VCAN: variants seen among roughly 807,000 people sequenced by gnomAD.
VCAN encodes versican core protein.
A neutral mutation model predicts 245.5 loss-of-function variants in VCAN; 44 were observed. The observed-to-expected ratio is 0.18, with a 90% CI of 0.14 to 0.23. The LOEUF is 0.23. VCAN is among the 10% of genes least tolerant of loss of function. The probability of loss-of-function intolerance (pLI) is 1.00; values close to 1 mark genes in which losing one functional copy is unlikely to be tolerated. For synonymous variants in VCAN, 1,413 were observed against 1,437.0 expected, an observed-to-expected ratio of 0.98 and a Z score of 0.38; for missense variants, 3,793 against 4,057.9, an observed-to-expected ratio of 0.93 and a Z score of 1.77.
intron 2 of VCAN, 158 bp downstream of exon 2, chr5:83,483,746 T>C: frequency 2.8e-6 from 2 of 714,254 alleles, no homozygotes; most frequent in Admixed American, 2.5e-5. Flanking sequence ...CCAAAAACAT[T>C]AGTTTTAAAT....
rs1187512204 is a variant in VCAN, at chr5:83,581,389, T to A, written c.*955T>A. The A allele has an allele frequency of 6.6e-6, 1 of 151,080 alleles. No individual in the cohort carries two copies. Among genetic ancestry groups the A allele is most frequent in the Non-Finnish European group, 1.5e-5 (1 of 67,908 alleles). The allele number at this position is 151,080 out of a possible 1,614,324, so 9.4% of individuals were successfully genotyped here. A position where few individuals can be genotyped will look rare whatever the true frequency, so the allele number is the denominator to read the frequency against. On this transcript the variant is annotated 3_prime_UTR_variant, in exon 15 of 15. Coordinates refer to ENST00000265077, the MANE Select transcript of VCAN (RefSeq NM_004385.5). ...TTTTAATCTTTTATAAAGTTTTGAA[T>A]GTTCATGTATGAATGCTGCAGCTGT...
In VCAN at chr5:83,539,117, C is replaced by T; in HGVS notation, c.6114C>T (p.Ser2038=). ...TGCAAAAGTTTTCTGGTACAGCTTC[C>T]TCCATTATCGACGAAGGATTGGGAG... ...SAVQKFSGTA[S]SIIDEGLGEV... is the part of the protein sequence containing the mutation. Residue 2038 remains serine, a synonymous_variant, in exon 8 of 15, where the codon TCC becomes TCT. Transcript: ENST00000265077. 1.2e-6 allele frequency: 2 copies of T among 1,613,998 alleles called. No individual in the cohort carries two copies. Among genetic ancestry groups the T allele is most frequent in the Non-Finnish European group, 1.7e-6 (2 of 1,179,984 alleles).
chr5:83,572,314 A>C, intron 12 of VCAN, 102 bp from the exon 13 acceptor site: 2 of 1,413,280 alleles, frequency 1.4e-6, no homozygotes, highest in South Asian at 2.3e-5. Context: ...AAACAACAGA[A>C]ATTGTTGAGT....
chr5:83,544,319 A>T (rs1445577624), intron 8 of VCAN, among the ~76,000 whole-genome samples: 3 of 152,250 alleles, frequency 2.0e-5, no homozygotes, highest in Non-Finnish European at 4.4e-5. Context: ...ACCTAATTTT[A>T]ACGTGAATCC....
intron 14 of VCAN, 31 bp from the exon 15 acceptor site, chr5:83,580,276 T>G: frequency 6.2e-7 from 1 of 1,613,590 alleles, no homozygotes; most frequent in Non-Finnish European, 8.5e-7. Flanking sequence ...TATTGTGTGT[T>G]TTCTTTTTTT....
At chr5:83,502,171 A>G (rs1244130799) in intron 5 of VCAN, among the ~76,000 whole-genome samples, 1 of 152,086 alleles carries the variant, frequency 6.6e-6, no homozygotes, top group East Asian at 1.9e-4. Flanking sequence ...TCTTCGTTCT[A>G]ATTGTTTTTT....
intron 7 of VCAN, among the ~76,000 whole-genome samples, chr5:83,525,148 T>C (rs1486326843): frequency 2.0e-5 from 3 of 151,734 alleles, no homozygotes; most frequent in Non-Finnish European, 4.4e-5. Context: ...TACGGTGCTC[T>C]AGCTAGAGGG....
rs1747029528 is a variant in VCAN at position 83,542,120 on chromosome 5, T to A, written c.9117T>A (p.Asp3039Glu). Residue 3039 changes from aspartate to glutamate, a missense_variant, in exon 8 of 15, where the codon GAT becomes GAA. Transcript: ENST00000265077. Reference sequence around the variant, plus strand: ...AGCAAGTGGCAGCGAGAATTCTTGATTCCAATGATCAGGCAACAGTAAACC... The same window carrying A: ...AGCAAGTGGCAGCGAGAATTCTTGAATCCAATGATCAGGCAACAGTAAACC... ...SEQQVAARIL[D>E]SNDQATVNPV... is the part of the protein sequence containing the mutation. 1.2e-6 allele frequency: 2 copies of A among 1,614,088 alleles called. No individual in the cohort carries two copies. The highest frequency in any genetic ancestry group is 4.5e-5 in the East Asian group (2 of 44,882).
chr5:83,555,275 C>G (rs1747628066), intron 12 of VCAN, among the ~76,000 whole-genome samples: 1 of 152,164 alleles, frequency 6.6e-6, no homozygotes, highest in Admixed American at 6.5e-5. Context: ...TTCTATCAAA[C>G]CAGAAAACCA....
At chr5:83,555,388 A>G (rs1309080406) in intron 12 of VCAN, among the ~76,000 whole-genome samples, 3 of 152,370 alleles carry the variant, frequency 2.0e-5, no homozygotes, top group East Asian at 3.9e-4. Context: ...AGAAAAAGTC[A>G]TTTTAAAAAA....
At chr5:83,478,717 A>G (rs1744486515) in intron 1 of VCAN, among the ~76,000 whole-genome samples, 1 of 152,246 alleles carries the variant, frequency 6.6e-6, no homozygotes, top group Admixed American at 6.5e-5. Context: ...AGTATATATT[A>G]TACATCTAAT....
At position 83,521,168 on chromosome 5, in the gene VCAN, T is replaced by G. The variant is rs201060896; in HGVS notation, c.2862T>G (p.Phe954Leu). The stretch of plus-strand genomic sequence containing the variant: ...CTTCAGAGGTGGAAGGATTAGCATT[T>G]GTTAGTTATAGTAGCACCCAAGAGC... ...AHTSEVEGLA[F>L]VSYSSTQEPT... Residue 954 changes from phenylalanine (F) to leucine (L), a missense_variant, in exon 7 of 15, where the codon TTT becomes TTG. Around this residue, in one of 5 missense-constraint regions of VCAN, gnomAD observed 3,182 missense variants for 3,250.3 expected, o/e 0.98. Coordinates refer to ENST00000265077, the MANE Select transcript of VCAN (RefSeq NM_004385.5). 89 of 1,613,666 alleles carry G rather than the reference T, an allele frequency of 5.5e-5. No individual in the cohort carries two copies. The highest frequency in any genetic ancestry group is 7.7e-5 in the South Asian group (7 of 91,020).
chr5:83,513,119 G>A (rs1397920766), intron 6 of VCAN, among the ~76,000 whole-genome samples: 2 of 151,890 alleles, frequency 1.3e-5, no homozygotes, highest in Non-Finnish European at 2.9e-5. Flanking sequence ...AGTAATTTTA[G>A]CAGTAGTAGT....
chr5:83,559,280 T>C (rs933867509), intron 12 of VCAN, among the ~76,000 whole-genome samples: 2 of 152,174 alleles, frequency 1.3e-5, no homozygotes, highest in African/African-American at 4.8e-5. Context: ...AGTCAGAGTG[T>C]TTTCTTTCAG....
In VCAN at chr5:83,541,329, C is replaced by T. The variant is rs1363196821; in HGVS notation, c.8326C>T (p.His2776Tyr). The T allele has an allele frequency of 6.2e-7, 1 of 1,614,054 alleles. No individual in the cohort carries two copies. Among genetic ancestry groups the T allele is most frequent in the South Asian group, 1.1e-5 (1 of 91,084 alleles). The change falls in exon 8 of 15, where the codon CAT (histidine) becomes TAT (tyrosine). Residue 2776 changes from histidine (H) to tyrosine (Y), a missense_variant. Around this residue, in one of 5 missense-constraint regions of VCAN, gnomAD observed 3,182 missense variants for 3,250.3 expected, o/e 0.98. Transcript: ENST00000265077. Reference protein sequence around the residue: ...SSGAEEALVDHTPYLSIATTH... With the variant: ...SSGAEEALVDYTPYLSIATTH... ...AGGAGCTGAGGAGGCATTAGTAGAC[C>T]ATACTCCCTATCTAAGTATTGCTAC...
chr5:83,577,100 T>G (rs192761061), intron 13 of VCAN, among the ~76,000 whole-genome samples: 3 of 152,222 alleles, frequency 2.0e-5, no homozygotes, highest in Non-Finnish European at 4.4e-5. Flanking sequence ...TGATCTAATC[T>G]TTTTTGTGTT....
chr5:83,529,265 T>C (rs924755679), intron 7 of VCAN, among the ~76,000 whole-genome samples: 6 of 150,968 alleles, frequency 4.0e-5, no homozygotes, highest in Non-Finnish European at 7.4e-5. Context: ...CTGTCAACAT[T>C]GTTACAGGAG....
intron 5 of VCAN, among the ~76,000 whole-genome samples, chr5:83,503,080 A>G (rs188633848): frequency 1.4e-3 from 208 of 152,306 alleles, no homozygotes; most frequent in Non-Finnish European, 2.1e-3. Flanking sequence ...TAGCCCTTAA[A>G]AGATTATATA....
intron 3 of VCAN, among the ~76,000 whole-genome samples, chr5:83,491,299 G>A (rs763503398): frequency 1.6e-4 from 25 of 152,120 alleles, no homozygotes; most frequent in Admixed American, 7.9e-4. Flanking sequence ...TGATGGAACA[G>A]ATTTTCTTCC....
Sources: allele counts gnomAD v4.1 joint callset (sites outside exome capture counted in the v4.1 genomes callset), GRCh38; gene constraint gnomAD v4.1.1; regional missense constraint gnomAD v4.1.1; transcripts MANE v1.5; gene names NCBI Gene and HGNC (gene_info 2026-07-23, HGNC 2026-07-21).